SNX4: variants seen among roughly 807,000 people sequenced by gnomAD.
SNX4 encodes the protein sorting nexin 4, also known as sorting nexin-4.
In SNX4, 49 loss-of-function variants were observed where a neutral mutation model predicts 70.8. The observed-to-expected ratio is 0.69, with a 90% confidence interval of 0.55 to 0.88. The LOEUF is 0.88. SNX4 is among the 40% of genes least tolerant of loss of function. SNX4 has a pLI of 0.00. For synonymous variants in SNX4, 206 were observed against 183.8 expected (o/e 1.12, Z -0.98); for missense variants, 528 against 544.8 (o/e 0.97, Z 0.31).
chr3:125,451,355 T>G lies in SNX4; in HGVS notation c.1255A>C (p.Lys419Gln), dbSNP rs1259239608. 7.4e-6 allele frequency: 12 copies of G among 1,614,012 alleles called. 1 individual carries two copies. The highest frequency in any genetic ancestry group is 2.7e-5 in the African/African-American group (2 of 75,064). ...RFKEQKNRDL[K>Q]EALISYAVMQ... Reference sequence around the variant, plus strand: ...ACTGCATAGCTTATGAGGGCCTCCTTTAAGTCTCGGTTCTTTTGTTCTTTG... The same window carrying G: ...ACTGCATAGCTTATGAGGGCCTCCTGTAAGTCTCGGTTCTTTTGTTCTTTG... Residue 419 changes from lysine (K) to glutamine (Q), a missense_variant, in exon 13 of 14, where the codon AAG becomes CAG. This residue lies in a region of SNX4 where 159 missense variants were observed against 172.6 expected (regional missense o/e 0.92). Coordinates refer to ENST00000251775, the MANE Select transcript of SNX4 (RefSeq NM_003794.4).
At chr3:125,495,277 T>TATATATATATATATATACACAC in intron 5 of SNX4, among the ~76,000 whole-genome samples, 51 of 99,600 alleles carry the variant, frequency 5.1e-4, no homozygotes, top group South Asian at 1.8e-3. Context: ...TATATATATA[T>TATATATATATATATATACACAC]ACACATACAC....
chr3:125,480,312 T>G lies in SNX4; in HGVS notation c.661A>C (p.Thr221Pro). Residue 221 changes from threonine to proline, a missense_variant, in exon 7 of 14, where the codon ACT (threonine) becomes CCT (proline). This residue lies in a region of SNX4 where 341 missense variants were observed against 312.2 expected (regional missense o/e 1.09). Transcript: ENST00000251775. ...FRVKNPDKRF[T>P]DLKHYSDELQ... ...TCATCACTATAGTGCTTAAGGTCAG[T>G]AAATCTCCTGAAACAGGAAACAAAT... is the stretch of plus-strand genomic sequence containing the variant. 6.6e-7 allele frequency: 1 copy of G among 1,518,714 alleles called. No homozygotes were observed. Among genetic ancestry groups the G allele is most frequent in the South Asian group, 1.3e-5 (1 of 75,988 alleles). The allele number at this position is 1,518,714 out of a possible 1,614,324, so 94.1% of individuals were successfully genotyped here.
At chr3:125,508,114 T>G (rs1373029104) in intron 1 of SNX4, among the ~76,000 whole-genome samples, 1 of 152,198 alleles carries the variant, frequency 6.6e-6, no homozygotes, top group Non-Finnish European at 1.5e-5. Context: ...GATTTAATAT[T>G]ATGAAGATAT....
intron 2 of SNX4, among the ~76,000 whole-genome samples, chr3:125,503,468 T>C (rs1301326952): frequency 1.3e-5 from 2 of 152,158 alleles, no homozygotes; most frequent in Non-Finnish European, 2.9e-5. Flanking sequence ...CTCCATAATT[T>C]GTCTTTTCTA....
chr3:125,509,338 A>G (rs561082811), intron 1 of SNX4, among the ~76,000 whole-genome samples: 2 of 151,928 alleles, frequency 1.3e-5, no homozygotes, highest in East Asian at 3.9e-4. Flanking sequence ...CTCAAAAAAA[A>G]AAAAAAAAAA....
At chr3:125,494,788 C>T (rs1354870502) in intron 5 of SNX4, among the ~76,000 whole-genome samples, 1 of 152,080 alleles carries the variant, frequency 6.6e-6, no homozygotes, top group East Asian at 1.9e-4. Context: ...TTGAGGCCTC[C>T]AGTTAACCAT....
chr3:125,490,651 A>G (rs1285127136), intron 5 of SNX4, among the ~76,000 whole-genome samples: 2 of 152,054 alleles, frequency 1.3e-5, no homozygotes, highest in Admixed American at 6.6e-5. Flanking sequence ...CTTTTTAACT[A>G]TTTTCTTCAC....
chr3:125,477,240 ACGGATACATTTTCAATTCT>A (rs1934308238), intron 7 of SNX4, among the ~76,000 whole-genome samples: 1 of 152,330 alleles, frequency 6.6e-6, no homozygotes, highest in African/African-American at 2.4e-5. Context: ...AACCAAGGGA[ACGGATACATTTTCAATTCT>A]ATTGAGATAT....
intron 6 of SNX4, among the ~76,000 whole-genome samples, chr3:125,481,173 C>T (rs952120624): frequency 2.6e-5 from 4 of 152,194 alleles, no homozygotes; most frequent in African/African-American, 9.7e-5. Flanking sequence ...CTGCCTCCAG[C>T]ACTATATAGT....
chr3:125,447,964 T>C, intron 13 of SNX4, 138 bp from the exon 14 acceptor site: 1 of 548,936 alleles, frequency 1.8e-6, no homozygotes, highest in Non-Finnish European at 3.1e-6. Flanking sequence ...TTTTGGGAAG[T>C]GGCTAATATA....
chr3:125,478,967 TC>T (rs1390263537), intron 7 of SNX4, among the ~76,000 whole-genome samples: 4 of 152,242 alleles, frequency 2.6e-5, no homozygotes, highest in Non-Finnish European at 5.9e-5. Flanking sequence ...TGAGAAGGTA[TC>T]TTATAATTTA....
At chr3:125,460,888 C>CATAA (rs61058014) in intron 9 of SNX4, 28 bp from the exon 10 acceptor site, 473,184 of 1,071,226 alleles carry the variant, frequency 0.44, 110,112 homozygotes, top group African/African-American at 0.63. Flanking sequence ...ACACACATTG[C>CATAA]ATAGAGTTAC....
chr3:125,491,313 C>G (rs562950068), intron 5 of SNX4, among the ~76,000 whole-genome samples: 1 of 152,148 alleles, frequency 6.6e-6, no homozygotes, highest in Non-Finnish European at 1.5e-5. Context: ...TGTAAGTGTT[C>G]ATGACTTCAG....
At chr3:125,499,032 TGAAA>T (rs1223413258) in intron 2 of SNX4, among the ~76,000 whole-genome samples, 2 of 152,290 alleles carry the variant, frequency 1.3e-5, no homozygotes, top group Non-Finnish European at 2.9e-5. Flanking sequence ...TAGTTAGCTC[TGAAA>T]GAGTGGCGAA....
chr3:125,502,950 C>G (rs1339076864), intron 2 of SNX4, among the ~76,000 whole-genome samples: 1 of 147,046 alleles, frequency 6.8e-6, no homozygotes, highest in Non-Finnish European at 1.5e-5. Context: ...GAGACAGCCT[C>G]TCGCTCTGTC....
chr3:125,471,281 T>G (rs11919408), intron 8 of SNX4, among the ~76,000 whole-genome samples: 6,853 of 139,332 alleles, frequency 0.049, 387 homozygotes, highest in African/African-American at 0.14. Context: ...GAGGCAGAGG[T>G]TGCGGTGAGC....
At chr3:125,497,740 TAATGA>T (rs896181225) in intron 4 of SNX4, 89 bp downstream of exon 4, 2 of 837,932 alleles carry the variant, frequency 2.4e-6, no homozygotes, top group Non-Finnish European at 3.6e-6. Flanking sequence ...GCATATAAAT[TAATGA>T]AAAGATCCTT....
chr3:125,489,549 T>G, intron 5 of SNX4, 86 bp from the exon 6 acceptor site: 1 of 1,023,652 alleles, frequency 9.8e-7, no homozygotes, highest in South Asian at 1.4e-5. Flanking sequence ...AGAATTAAGA[T>G]GCTCAAGTAC....
chr3:125,449,811 C>T (rs1933530509), intron 13 of SNX4, among the ~76,000 whole-genome samples: 1 of 152,186 alleles, frequency 6.6e-6, no homozygotes, highest in Admixed American at 6.5e-5. Flanking sequence ...ATATAAAGGT[C>T]TTGCACTTTA....
Sources: gnomAD v4.1 joint callset for allele counts (sites outside exome capture counted in the v4.1 genomes callset) on GRCh38, gnomAD v4.1.1 for gene constraint, gnomAD v4.1.1 regional missense constraint, MANE v1.5 for transcripts, NCBI Gene and HGNC (gene_info 2026-07-23, HGNC 2026-07-21) for gene names.